Variants in ZFR2 observed in about 807,000 individuals in gnomAD.
ZFR2 encodes zinc finger RNA-binding protein 2.
A neutral mutation model predicts 105.7 loss-of-function variants in ZFR2; 104 were observed. The observed-to-expected ratio is 0.98, with a 90% CI of 0.84 to 1.16. The LOEUF (loss-of-function observed/expected upper bound fraction) is 1.16, where lower values mean the gene tolerates loss of function less well. ZFR2 is among the 50% of genes most tolerant of loss of function. The pLI is 0.00. For missense variants in ZFR2, 1,425 were observed against 1,355.5 expected (o/e 1.05, Z -0.80); for synonymous variants, 634 against 597.7 (o/e 1.06, Z -0.89).
chr19:3,852,621 G>A, intron 1 of ZFR2: 2 of 718,182 alleles, frequency 2.8e-6, no homozygotes, highest in Non-Finnish European at 5.2e-6. Context: ...TGGACTGGAA[G>A]AGTAGCAAGG....
intron 16 of ZFR2, among the ~76,000 whole-genome samples, chr19:3,810,469 C>T (rs528320008): frequency 3.2e-4 from 48 of 152,228 alleles, no homozygotes; most frequent in Non-Finnish European, 2.1e-4. Context: ...GGCCCCTCTG[C>T]CCCGGTGCCA....
At chr19:3,811,157 G>T in intron 15 of ZFR2, 115 bp downstream of exon 15, 1 of 1,043,002 alleles carries the variant, frequency 9.6e-7, no homozygotes, top group Non-Finnish European at 1.3e-6. Context: ...CAGGCGTCCC[G>T]GTCTGCGCTG....
At chr19:3,840,095 CG>C (rs1350321000) in intron 1 of ZFR2, among the ~76,000 whole-genome samples, 1 of 152,184 alleles carries the variant, frequency 6.6e-6, no homozygotes, top group African/African-American at 2.4e-5. Flanking sequence ...CGAGTCCACA[CG>C]GTTCACTGAT....
intron 1 of ZFR2, among the ~76,000 whole-genome samples, chr19:3,856,270 G>A (rs2038300528): frequency 6.6e-6 from 1 of 152,204 alleles, no homozygotes; most frequent in South Asian, 2.1e-4. Flanking sequence ...GATATGATCA[G>A]CCTGAGATGC....
intron 5 of ZFR2, among the ~76,000 whole-genome samples, chr19:3,830,983 ACACACACGCTTG>A (rs1176021109): frequency 9.2e-6 from 1 of 109,214 alleles, no homozygotes; most frequent in African/African-American, 2.9e-5. Flanking sequence ...GCACACACAT[ACACACACGCTTG>A]CACACACAGG....
intron 12 of ZFR2, 100 bp from the exon 13 acceptor site, chr19:3,816,945 C>T (rs1003557887): frequency 7.4e-6 from 8 of 1,078,532 alleles, no homozygotes; most frequent in Middle Eastern, 2.6e-4. Context: ...AGTTACAGAG[C>T]CTCTCTGTGC....
At chr19:3,829,047 C>T (rs1281668154) in intron 5 of ZFR2, among the ~76,000 whole-genome samples, 8 of 151,664 alleles carry the variant, frequency 5.3e-5, no homozygotes, top group African/African-American at 1.7e-4. Context: ...CTGCAGCCGC[C>T]GCCTCCCAGG....
chr19:3,832,572 T>C lies in ZFR2; in HGVS notation c.380-694A>G, dbSNP rs557941660. Among the ~76,000 whole-genome samples, 3 of 152,110 alleles carry C rather than the reference T, an allele frequency of 2.0e-5. No homozygotes were observed. The South Asian group carries it at 6.2e-4, about 32-fold the overall frequency. Reference sequence around the variant, plus strand: ...CTTGACCTTGTGATCCACCCGCCTCTGCCTCGCAAAGTGCTGGGATTACAG... The same window carrying C: ...CTTGACCTTGTGATCCACCCGCCTCCGCCTCGCAAAGTGCTGGGATTACAG... On this transcript the variant is annotated intron_variant, in intron 3 of 18. Transcript: ENST00000262961.
At chr19:3,832,893 G>T (rs903724699) in intron 3 of ZFR2, among the ~76,000 whole-genome samples, 2 of 151,676 alleles carry the variant, frequency 1.3e-5, no homozygotes, top group African/African-American at 2.4e-5. Context: ...CCCACCTCGG[G>T]CCTCCCAAAG....
chr19:3,850,104 A>G (rs2038222057), intron 1 of ZFR2, among the ~76,000 whole-genome samples: 1 of 152,146 alleles, frequency 6.6e-6, no homozygotes, highest in Non-Finnish European at 1.5e-5. Flanking sequence ...TCTCCTACAC[A>G]GATAACAGAG....
At position 3,808,933 on chromosome 19, in the gene ZFR2, C is replaced by A; in HGVS notation, c.2484G>T (p.Leu828=). ...CTCGCCTGACTGCATCCCCGGGGCCCAGGGGCCCAGCCGCACTGCTCACAG... is the reference window on the plus strand; with the variant it reads ...CTCGCCTGACTGCATCCCCGGGGCCAAGGGGCCCAGCCGCACTGCTCACAG... ...EKAVSSAAGP[L]GPGDAVRRVL... is the part of the protein sequence containing the mutation. Residue 828 remains leucine, a synonymous_variant, in exon 17 of 19, where the codon CTG becomes CTT. Coordinates refer to ENST00000262961, the MANE Select transcript of ZFR2 (RefSeq NM_015174.2). 6.4e-7 allele frequency: 1 copy of A among 1,572,452 alleles called. No homozygotes were observed. Among genetic ancestry groups the A allele is most frequent in the Non-Finnish European group, 8.6e-7 (1 of 1,161,308 alleles).
chr19:3,832,929 C>T (rs191605342), intron 3 of ZFR2, among the ~76,000 whole-genome samples: 116 of 151,240 alleles, frequency 7.7e-4, no homozygotes, highest in African/African-American at 1.8e-3. Flanking sequence ...CGTGAGCCAC[C>T]GTGCCCGGCC....
chr19:3,825,517 C>A, intron 6 of ZFR2, 110 bp from the exon 7 acceptor site: 2 of 1,375,994 alleles, frequency 1.5e-6, no homozygotes, highest in Non-Finnish European at 1.9e-6. Context: ...GTGGGCTGGC[C>A]GGTCCCAGGG....
chr19:3,812,576 T>C (rs966736096), intron 14 of ZFR2, among the ~76,000 whole-genome samples: 1 of 152,010 alleles, frequency 6.6e-6, no homozygotes, highest in African/African-American at 2.4e-5. Context: ...CACTGTCTAG[T>C]GGCCGCCAAC....
At position 3,820,286 on chromosome 19, in the gene ZFR2, G is replaced by A; in HGVS notation, c.1636C>T (p.Leu546=). 2 of 1,544,046 alleles carry A rather than the reference G, an allele frequency of 1.3e-6. No homozygotes were observed. The highest frequency in any genetic ancestry group is 1.7e-6 in the Non-Finnish European group (2 of 1,145,918). The change falls in exon 11 of 19, where the codon CTG becomes TTG. Residue 546 remains leucine, a synonymous_variant. Coordinates refer to ENST00000262961, the MANE Select transcript of ZFR2 (RefSeq NM_015174.2). The stretch of plus-strand genomic sequence containing the variant: ...ACGTCCTGGGGTGGCTCCTCCTCCA[G>A]CCGCCTGCAGGACCGAGACGTGACA... ...LRRWHAERRR[L]EEEPPQDVPP...
In ZFR2 at chr19:3,813,780, G is replaced by T. The variant is rs148032971; in HGVS notation, c.2242+40C>A. On this transcript the variant is annotated intron_variant, in intron 14 of 18. Coordinates refer to ENST00000262961, the MANE Select transcript of ZFR2 (RefSeq NM_015174.2). The surrounding 1 kb of genome is among the most constrained non-coding windows in gnomAD (Gnocchi z 4.4). ...GGTGTGGGGAGCGCCCTGGGGAAGC[G>T]TGAGGGGGACAGTGGTTGGAAGGAA... 6.2e-7 allele frequency: 1 copy of T among 1,609,278 alleles called. No homozygotes were observed. Among genetic ancestry groups the T allele is most frequent in the Admixed American group, 1.7e-5 (1 of 59,792 alleles).
chr19:3,842,022 T>A (rs533388996), intron 1 of ZFR2, among the ~76,000 whole-genome samples: 96 of 151,666 alleles, frequency 6.3e-4, no homozygotes, highest in Admixed American at 1.7e-3. Flanking sequence ...TTTTTTTTTT[T>A]ATTTTTTTGA....
chr19:3,831,483 C>T lies in ZFR2; in HGVS notation c.672G>A (p.Pro224=), dbSNP rs979775046. The T allele has an allele frequency of 5.8e-6, 9 of 1,549,362 alleles. No individual in the cohort carries two copies. In the African/African-American group the frequency reaches 9.6e-5, roughly 17 times the overall value. ...GCTGCTGCGGGGGTCCCGGGGGAGG[C>T]GGGGGCTGCGCTGGAGGATAGAAAG... ...ASPFYPPAQP[P]PPPGPPQQLP... The change falls in exon 5 of 19, where the codon CCG becomes CCA. Residue 224 remains proline (P), a synonymous_variant. Coordinates refer to ENST00000262961, the MANE Select transcript of ZFR2 (RefSeq NM_015174.2).
chr19:3,814,053 C>T (rs933200215), intron 13 of ZFR2, 95 bp from the exon 14 acceptor site: 77 of 1,531,870 alleles, frequency 5.0e-5, no homozygotes, highest in Non-Finnish European at 6.3e-5. Flanking sequence ...AAATTAATCC[C>T]GTCGGGCCTC....
Sources: gnomAD v4.1 joint callset for allele counts (sites outside exome capture counted in the v4.1 genomes callset) on GRCh38, gnomAD v4.1.1 for gene constraint, Gnocchi (gnomAD v3.1) non-coding constraint, MANE v1.5 for transcripts, NCBI Gene and HGNC (gene_info 2026-07-23, HGNC 2026-07-21) for gene names.